ILRUN: variants seen among roughly 807,000 people sequenced by gnomAD.
ILRUN encodes inflammation and lipid regulator with UBA-like and NBR1-like domains.
ILRUN carries 3 observed loss-of-function variants against 33.8 expected under a neutral mutation model. The observed-to-expected ratio is 0.09, with a 90% CI of 0.04 to 0.23. ILRUN has a LOEUF of 0.23. Among genes scored for constraint, ILRUN ranks in the 10% least tolerant of loss-of-function variants. The pLI is 1.00. For synonymous variants in ILRUN, 124 were observed against 138.9 expected, an observed-to-expected ratio of 0.89 and a Z score of 0.75; for missense variants, 210 against 375.1, an observed-to-expected ratio of 0.56 and a Z score of 3.64.
At chr6:34,612,997 T>G (rs185460860) in intron 3 of ILRUN, among the ~76,000 whole-genome samples, 1,966 of 151,430 alleles carry the variant, frequency 0.013, 31 homozygotes, top group Non-Finnish European at 0.02. Context: ...GAGCCGAGAT[T>G]GCGCCACTGC....
At chr6:34,630,173 T>C (rs1045768640) in intron 3 of ILRUN, among the ~76,000 whole-genome samples, 1 of 152,172 alleles carries the variant, frequency 6.6e-6, no homozygotes, top group Non-Finnish European at 1.5e-5. Context: ...TGCATACACG[T>C]GGATATGCTA....
At chr6:34,670,773 T>C (rs969134973) in intron 1 of ILRUN, among the ~76,000 whole-genome samples, 88 of 149,076 alleles carry the variant, frequency 5.9e-4, no homozygotes, top group African/African-American at 2.2e-3. Context: ...GTAGAATCAC[T>C]TGAACCCGGG....
At chr6:34,674,092 A>G (rs1441055263) in intron 1 of ILRUN, among the ~76,000 whole-genome samples, 1 of 152,132 alleles carries the variant, frequency 6.6e-6, no homozygotes, top group African/African-American at 2.4e-5. Flanking sequence ...CAGTGGTGCG[A>G]TCTTGACTCA....
At chr6:34,634,895 G>A (rs889429003) in intron 3 of ILRUN, among the ~76,000 whole-genome samples, 13 of 152,054 alleles carry the variant, frequency 8.5e-5, no homozygotes, top group Admixed American at 1.3e-4. Flanking sequence ...ATGGTACAAC[G>A]TATCAGACAG....
intron 3 of ILRUN, among the ~76,000 whole-genome samples, chr6:34,619,217 G>A (rs1761960145): frequency 6.6e-6 from 1 of 152,018 alleles, no homozygotes; most frequent in African/African-American, 2.4e-5. Flanking sequence ...TAGAAGAGGA[G>A]AATTAAGAAT....
chr6:34,669,333 T>A (rs1342505841), intron 1 of ILRUN, among the ~76,000 whole-genome samples: 16 of 151,302 alleles, frequency 1.1e-4, no homozygotes, highest in Admixed American at 3.3e-4. Flanking sequence ...CTCACTTTAT[T>A]GCCCAGGCTG....
intron 1 of ILRUN, among the ~76,000 whole-genome samples, chr6:34,682,005 C>A (rs1433855414): frequency 6.8e-6 from 1 of 147,840 alleles, no homozygotes; most frequent in Non-Finnish European, 1.5e-5. Context: ...GTGCATGCCA[C>A]CACACCCCAC....
intron 3 of ILRUN, among the ~76,000 whole-genome samples, chr6:34,633,085 T>G (rs923541803): frequency 1.3e-5 from 2 of 152,092 alleles, no homozygotes; most frequent in African/African-American, 4.8e-5. Flanking sequence ...GGTTGAAAGC[T>G]AAAAGATAAA....
intron 1 of ILRUN, among the ~76,000 whole-genome samples, chr6:34,673,865 T>C (rs1582098935): frequency 7.6e-6 from 1 of 131,046 alleles, no homozygotes; most frequent in South Asian, 2.4e-4. Context: ...ACACGCTGGG[T>C]GACAGAGAGA....
At chr6:34,593,666 T>C (rs1761339357) in intron 4 of ILRUN, among the ~76,000 whole-genome samples, 1 of 152,206 alleles carries the variant, frequency 6.6e-6, no homozygotes. Context: ...ATTAGAGTTG[T>C]TGTTGTTTAA....
chr6:34,663,549 C>T (rs1329863979), intron 1 of ILRUN, among the ~76,000 whole-genome samples: 1 of 152,156 alleles, frequency 6.6e-6, no homozygotes, highest in Non-Finnish European at 1.5e-5. Context: ...CAGGGTCTCA[C>T]TATGTTGCCC....
intron 1 of ILRUN, among the ~76,000 whole-genome samples, chr6:34,683,429 CATATATATATACATATATATAT>C (rs1347535991): frequency 2.2e-5 from 2 of 92,110 alleles, no homozygotes; most frequent in Admixed American, 1.1e-4. Context: ...CATATATATA[CATATATATATACATATATATAT>C]ACATATATAT....
chr6:34,607,565 G>C (rs1013209859), intron 3 of ILRUN, among the ~76,000 whole-genome samples: 12 of 152,146 alleles, frequency 7.9e-5, no homozygotes, highest in African/African-American at 2.7e-4. Flanking sequence ...CTGTCATACA[G>C]TCATGCATTG....
chr6:34,616,530 C>A, intron 3 of ILRUN: 1 of 1,113,178 alleles, frequency 9.0e-7, no homozygotes, highest in Non-Finnish European at 1.3e-6. Context: ...TCTTTTCAGG[C>A]TGGAACCATG....
chr6:34,590,448 G>A lies in ILRUN; in HGVS notation c.*117C>T. On this transcript the variant is annotated 3_prime_UTR_variant, in exon 5 of 5. Coordinates refer to ENST00000374023, the MANE Select transcript of ILRUN (RefSeq NM_024294.4). ...TCTTCCTCTTCTTCCGGGATGAGAGGGGGTCAGAGCCAGGGGTCTGTGCGA... is the reference window on the plus strand; with the variant it reads ...TCTTCCTCTTCTTCCGGGATGAGAGAGGGTCAGAGCCAGGGGTCTGTGCGA... 2 of 1,443,460 alleles carry A rather than the reference G, an allele frequency of 1.4e-6. No homozygotes were observed. The highest frequency in any genetic ancestry group is 2.8e-5 in the African/African-American group (2 of 71,160). The allele number at this position is 1,443,460 out of a possible 1,614,324, so 89.4% of individuals were successfully genotyped here.
chr6:34,604,707 G>C (rs2127318896), intron 4 of ILRUN, among the ~76,000 whole-genome samples: 1 of 152,292 alleles, frequency 6.6e-6, no homozygotes, highest in African/African-American at 2.4e-5. Flanking sequence ...TTATTTATTA[G>C]AGTGTTAAGA....
At chr6:34,635,570 AGGG>A (rs747889598) in intron 3 of ILRUN, among the ~76,000 whole-genome samples, 1,541 of 55,188 alleles carry the variant, frequency 0.028, 40 homozygotes, top group African/African-American at 0.076. Context: ...GAAGGAAGGG[AGGG>A]AGGGAGGGAG....
intron 3 of ILRUN, among the ~76,000 whole-genome samples, chr6:34,613,967 A>G (rs115516059): frequency 2.8e-4 from 42 of 152,306 alleles, no homozygotes; most frequent in African/African-American, 9.9e-4. Flanking sequence ...GAAACATCCT[A>G]TAGTAGCAGA....
At chr6:34,623,779 C>T (rs753736336) in intron 3 of ILRUN, among the ~76,000 whole-genome samples, 1 of 152,084 alleles carries the variant, frequency 6.6e-6, no homozygotes, top group African/African-American at 2.4e-5. Flanking sequence ...TAAATATTGT[C>T]CATTTTATAT....
Sources: allele counts gnomAD v4.1 joint callset (sites outside exome capture counted in the v4.1 genomes callset), GRCh38; gene constraint gnomAD v4.1.1; transcripts MANE v1.5; gene names NCBI Gene and HGNC (gene_info 2026-07-23, HGNC 2026-07-21).